The following ABCC1 variants were observed in gnomAD, a reference collection of about 807,000 sequenced individuals.
The protein encoded by ABCC1 is multidrug resistance-associated protein 1.
ABCC1 carries 83 observed loss-of-function variants against 172.9 expected under a neutral mutation model. The ratio of observed to expected loss-of-function variants is 0.48; its 90% CI spans 0.40 to 0.58. The LOEUF (loss-of-function observed/expected upper bound fraction) is 0.58. Among genes scored for constraint, ABCC1 ranks in the 20% least tolerant of loss-of-function variants. The probability of loss-of-function intolerance (pLI) is 0.00; values close to 1 mark genes in which losing one functional copy is unlikely to be tolerated. For missense variants in ABCC1, 1,817 were observed against 2,002.7 expected (o/e 0.91, Z 1.77); for synonymous variants, 937 against 825.2 (o/e 1.14, Z -2.32).
At chr16:16,067,002 G>A (rs1210691537) in intron 12 of ABCC1, among the ~76,000 whole-genome samples, 1 of 152,084 alleles carries the variant, frequency 6.6e-6, no homozygotes, top group Non-Finnish European at 1.5e-5. Context: ...TGTAATCCCA[G>A]CACTTTAGGT....
Position 16,138,562 on chromosome 16 carries a change from A to G in ABCC1, c.4487+4A>G. 1.3e-6 allele frequency: 2 copies of G among 1,575,520 alleles called. No homozygotes were observed. Among genetic ancestry groups the G allele is most frequent in the Non-Finnish European group, 1.7e-6 (2 of 1,152,530 alleles). The stretch of plus-strand genomic sequence containing the variant: ...ACACCATCATGGACTACACAAGGTG[A>G]TGCCACTGGCACAGTGGCCTCTAGG... On this transcript the variant is annotated splice_donor_region_variant and intron_variant, in intron 30 of 30. Coordinates refer to ENST00000399410, the MANE Select transcript of ABCC1 (RefSeq NM_004996.4).
chr16:15,964,350 C>G (rs58045359), intron 1 of ABCC1, among the ~76,000 whole-genome samples: 177 of 152,308 alleles, frequency 1.2e-3, no homozygotes, highest in African/African-American at 4.1e-3. Context: ...TTCCACAGAT[C>G]TCTAGGGCAG....
At chr16:16,101,688 G>C (rs1041953455) in intron 19 of ABCC1, among the ~76,000 whole-genome samples, 1 of 152,180 alleles carries the variant, frequency 6.6e-6, no homozygotes, top group African/African-American at 2.4e-5. Flanking sequence ...GGCAGTCAGT[G>C]CGGAGTGGGG....
At chr16:15,998,742 G>A (rs575171792) in intron 1 of ABCC1, among the ~76,000 whole-genome samples, 3 of 152,210 alleles carry the variant, frequency 2.0e-5, no homozygotes, top group Admixed American at 1.3e-4. Context: ...CTGGAGTTCC[G>A]GTGTCCTTAA....
Position 16,103,582 on chromosome 16 carries a change from A to C in ABCC1, c.2735+865A>C, listed in dbSNP as rs139020574. Among the ~76,000 whole-genome samples the C allele has an allele frequency of 2.3e-3, 347 of 152,224 alleles. 3 individuals carry two copies. The highest frequency in any genetic ancestry group is 8.1e-3 in the African/African-American group (338 of 41,532). On this transcript the variant is annotated intron_variant, in intron 20 of 30. Transcript: ENST00000399410. ...GTGACAGAGCGAGACTCCATCTCAA[A>C]AAACAAAAACAAAACAAAACAGCAG...
chr16:16,061,354 G>A (rs1469610437), intron 12 of ABCC1, among the ~76,000 whole-genome samples: 1 of 152,228 alleles, frequency 6.6e-6, no homozygotes, highest in Non-Finnish European at 1.5e-5. Flanking sequence ...TCGCCAACAG[G>A]TCATCCTTTG....
intron 21 of ABCC1, among the ~76,000 whole-genome samples, chr16:16,107,446 T>C (rs1237383039): frequency 6.6e-6 from 1 of 152,062 alleles, no homozygotes; most frequent in Non-Finnish European, 1.5e-5. Flanking sequence ...CTTGCTACCT[T>C]GCCCAGCTAA....
intron 5 of ABCC1, among the ~76,000 whole-genome samples, chr16:16,030,739 T>G (rs549506489): frequency 6.6e-6 from 1 of 152,010 alleles, no homozygotes; most frequent in African/African-American, 2.4e-5. Flanking sequence ...GCCCAGCCAC[T>G]TTTCCAAGAA....
rs111521927 is a variant in ABCC1, at chr16:16,132,522, T to G, written c.3966+587T>G. The stretch of plus-strand genomic sequence containing the variant: ...TTTTTGGTTGGTTGTTTTTTTTTTT[T>G]TTTTTTTTTTTTTTTTTGAGATGGA... On this transcript the variant is annotated intron_variant, in intron 27 of 30. Transcript: ENST00000399410. 3.9e-3 allele frequency among the ~76,000 whole-genome samples: 368 copies of G among 93,668 alleles called. 8 individuals are homozygous for G. Among genetic ancestry groups the G allele is most frequent in the South Asian group, 0.01 (24 of 2,368 alleles). 61.4% of individuals were successfully genotyped at this position (93,668 alleles called of 152,430 possible).
intron 1 of ABCC1, among the ~76,000 whole-genome samples, chr16:15,973,808 T>A (rs1297138764): frequency 6.6e-6 from 1 of 151,100 alleles, no homozygotes. Flanking sequence ...AGACCCAGTC[T>A]CTACACAAAA....
intron 14 of ABCC1, among the ~76,000 whole-genome samples, 170 bp downstream of exon 14, chr16:16,071,899 G>A (rs1480017130): frequency 6.6e-6 from 1 of 152,200 alleles, no homozygotes; most frequent in Non-Finnish European, 1.5e-5. Context: ...CAGAAGGGAA[G>A]GGAAGCCTGG....
Position 15,976,962 on chromosome 16 carries a change from G to T in ABCC1, c.48+27163G>T, listed in dbSNP as rs45599046. Among the ~76,000 whole-genome samples the T allele has an allele frequency of 3.3e-5, 5 of 152,286 alleles. No homozygotes were observed. The East Asian group carries it at 9.7e-4, about 29-fold the overall frequency. On this transcript the variant is annotated intron_variant, in intron 1 of 30. Transcript: ENST00000399410. ...CTGTGCCCTTGACCACCAAGTCATGGTCACTCCTTTCAACCCTGCCTGCCC... is the reference window on the plus strand; with the variant it reads ...CTGTGCCCTTGACCACCAAGTCATGTTCACTCCTTTCAACCCTGCCTGCCC...
intron 26 of ABCC1, among the ~76,000 whole-genome samples, chr16:16,128,361 G>A (rs1308150156): frequency 2.0e-5 from 3 of 151,904 alleles, no homozygotes; most frequent in African/African-American, 7.3e-5. Flanking sequence ...ATGTTGGCCC[G>A]GCTGGTCTCG....
rs756188075 is a variant in ABCC1, at chr16:16,121,265, A to G, written c.3391-710A>G. The stretch of plus-strand genomic sequence containing the variant: ...TGCCATGTGCCTGGGCTGGTCTCAG[A>G]CTCCTGGCCTCAAGTGATCTCCCGC... On this transcript the variant is annotated intron_variant, in intron 23 of 30. Transcript: ENST00000399410. Among the ~76,000 whole-genome samples the G allele has an allele frequency of 2.1e-4, 32 of 151,904 alleles. 1 individual carries two copies. Among genetic ancestry groups the G allele is most frequent in the Non-Finnish European group, 3.8e-4 (26 of 67,966 alleles).
chr16:16,035,908 G>T (rs970396882), intron 6 of ABCC1, among the ~76,000 whole-genome samples: 7 of 151,330 alleles, frequency 4.6e-5, no homozygotes, highest in Non-Finnish European at 1.0e-4. Flanking sequence ...GAGCCCGGGG[G>T]TTCAAGACCA....
intron 1 of ABCC1, among the ~76,000 whole-genome samples, chr16:15,958,964 CTTG>C (rs934342038): frequency 2.6e-5 from 4 of 152,304 alleles, no homozygotes; most frequent in East Asian, 1.9e-4. Flanking sequence ...AGCACCTCCT[CTTG>C]TTGTGACAAC....
At chr16:15,949,970 A>T (rs1454676125) in intron 1 of ABCC1, among the ~76,000 whole-genome samples, 171 bp downstream of exon 1, 2 of 151,856 alleles carry the variant, frequency 1.3e-5, no homozygotes, top group African/African-American at 4.8e-5. Context: ...GGTGCAAGGC[A>T]TGGGGGAAAC....
intron 1 of ABCC1, among the ~76,000 whole-genome samples, chr16:15,999,475 C>T (rs923400941): frequency 7.3e-5 from 11 of 151,456 alleles, no homozygotes; most frequent in Admixed American, 2.6e-4. Flanking sequence ...ATTAGCCAGG[C>T]GTGGTGGCAG....
At chr16:16,067,882 A>G (rs2050171846) in intron 12 of ABCC1, among the ~76,000 whole-genome samples, 1 of 152,156 alleles carries the variant, frequency 6.6e-6, no homozygotes, top group Non-Finnish European at 1.5e-5. Context: ...GAGGAATACT[A>G]AGAATGCCCC....
Sources: gnomAD v4.1 joint callset for allele counts (sites outside exome capture counted in the v4.1 genomes callset) on GRCh38, gnomAD v4.1.1 for gene constraint, MANE v1.5 for transcripts, NCBI Gene and HGNC (gene_info 2026-07-23, HGNC 2026-07-21) for gene names.